The following PCDHA2 variants were observed in gnomAD, a reference collection of about 807,000 sequenced individuals.
PCDHA2 encodes the protein protocadherin alpha-2.
In PCDHA2, 58 loss-of-function variants were observed where a neutral mutation model predicts 66.0. That is an observed-to-expected ratio of 0.88 (90% CI 0.71 to 1.09). The LOEUF is 1.09. Ranked by LOEUF, PCDHA2 falls within the 50% of genes least tolerant of loss-of-function variation. The pLI, the probability that PCDHA2 is intolerant of heterozygous loss-of-function variation, is 0.00. For missense variants in PCDHA2, 1,267 were observed against 1,242.3 expected (o/e 1.02, Z -0.30); for synonymous variants, 634 against 554.0 (o/e 1.14, Z -2.03).
At chr5:140,927,343 G>T (rs2084109180) in intron 1 of PCDHA2, 2 of 1,614,016 alleles carry the variant, frequency 1.2e-6, no homozygotes, top group East Asian at 4.5e-5. Flanking sequence ...TGCCCAAGAT[G>T]ACGACGAGGG....
At chr5:140,842,532 A>G in intron 1 of PCDHA2, 1 of 1,613,066 alleles carries the variant, frequency 6.2e-7, no homozygotes, top group African/African-American at 1.3e-5. Context: ...TTCAAGAATT[A>G]CTACTCGTTG....
intron 1 of PCDHA2, among the ~76,000 whole-genome samples, chr5:140,846,701 G>A (rs1554141463): frequency 1.3e-5 from 2 of 149,318 alleles, no homozygotes; most frequent in South Asian, 2.1e-4. Flanking sequence ...AAGTAGAGAA[G>A]ATTGTAATAA....
At chr5:140,952,921 A>G (rs1385762046) in intron 1 of PCDHA2, among the ~76,000 whole-genome samples, 4 of 152,138 alleles carry the variant, frequency 2.6e-5, no homozygotes, top group African/African-American at 4.8e-5. Context: ...ACATGGCATG[A>G]GCAGGAGCAG....
intron 1 of PCDHA2, chr5:140,828,742 G>T (rs2150158516): frequency 5.0e-6 from 8 of 1,614,208 alleles, no homozygotes; most frequent in Non-Finnish European, 5.9e-6. Context: ...CCACAGATGG[G>T]GGCAAACCTG....
intron 3 of PCDHA2, among the ~76,000 whole-genome samples, chr5:140,988,231 A>G (rs2097289009): frequency 6.6e-6 from 1 of 152,150 alleles, no homozygotes. Context: ...TCAGGGATCT[A>G]TGTGAGTGGG....
At chr5:140,842,027 AATG>A (rs2150327621) in intron 1 of PCDHA2, 1 of 1,613,850 alleles carries the variant, frequency 6.2e-7, no homozygotes, top group East Asian at 2.2e-5. Flanking sequence ...GCTGGATGTG[AATG>A]ATAATGCTCC....
At chr5:140,842,935 C>G (rs1329962165) in intron 1 of PCDHA2, 2 of 1,594,326 alleles carry the variant, frequency 1.3e-6, no homozygotes, top group African/African-American at 1.3e-5. Flanking sequence ...TGAGCGCGCG[C>G]GACGCGGGCG....
chr5:140,878,273 G>T (rs2057527007), intron 1 of PCDHA2, among the ~76,000 whole-genome samples: 1 of 152,096 alleles, frequency 6.6e-6, no homozygotes, highest in Non-Finnish European at 1.5e-5. Flanking sequence ...TTTTAAAATA[G>T]CCTTCTTGAT....
chr5:140,854,310 T>C (rs2043072998), intron 1 of PCDHA2: 2 of 329,758 alleles, frequency 6.1e-6, no homozygotes, highest in Non-Finnish European at 8.7e-6. Context: ...GTGGAGATGA[T>C]TGATCAATGG....
In PCDHA2 at chr5:140,870,852, G is replaced by T. The variant is rs782301779; in HGVS notation, c.2388+73500G>T. 6 of 1,613,862 alleles carry T rather than the reference G, an allele frequency of 3.7e-6. 1 individual carries two copies. The South Asian group carries it at 6.6e-5, about 18-fold the overall frequency. On this transcript the variant is annotated intron_variant, in intron 1 of 3. Coordinates refer to ENST00000526136, the MANE Select transcript of PCDHA2 (RefSeq NM_018905.3). ...CAGTTAACAAGCTAGTACCGCGGTC[G>T]GTGGGTGCGGGCCACGTGGTGGCGA...
At chr5:140,856,574 T>C in intron 1 of PCDHA2, 1 of 1,597,714 alleles carries the variant, frequency 6.3e-7, no homozygotes, top group Non-Finnish European at 8.6e-7. Flanking sequence ...TCCAAATGAG[T>C]ATTTTGTTCT....
At chr5:140,877,276 G>A (rs1038142877) in intron 1 of PCDHA2, 5 of 1,613,744 alleles carry the variant, frequency 3.1e-6, no homozygotes, top group Admixed American at 1.7e-5. Context: ...CGCTGACTCC[G>A]GCTATAACGC....
chr5:140,938,928 T>G (rs1220764640), intron 1 of PCDHA2, among the ~76,000 whole-genome samples: 2 of 152,104 alleles, frequency 1.3e-5, no homozygotes, highest in African/African-American at 4.8e-5. Flanking sequence ...AAATTGGCTT[T>G]TAACTTTCCA....
chr5:140,936,780 T>C (rs2091148034), intron 1 of PCDHA2, among the ~76,000 whole-genome samples: 1 of 152,224 alleles, frequency 6.6e-6, no homozygotes, highest in Non-Finnish European at 1.5e-5. Flanking sequence ...TCTCTCACTT[T>C]GTTATTCTGC....
intron 3 of PCDHA2, among the ~76,000 whole-genome samples, chr5:141,000,542 C>T (rs1331109215): frequency 6.7e-6 from 1 of 148,268 alleles, no homozygotes; most frequent in Non-Finnish European, 1.5e-5. Context: ...ATTCTCATGC[C>T]TCAAACTCCC....
In PCDHA2 at chr5:140,852,152, C is replaced by T. The variant is rs1163475400; in HGVS notation, c.2388+54800C>T. The T allele has an allele frequency of 5.8e-6, 5 of 861,034 alleles. 1 individual carries two copies. The highest frequency in any genetic ancestry group is 1.2e-3 in the Middle Eastern group (2 of 1,666). The allele number at this position is 861,034 out of a possible 1,614,324, so 53.3% of individuals were successfully genotyped here. ...CTCAGTAGAGAAAGATCAGAATGGC[C>T]TTGAGAATAGAGCCACAAAAATAAC... On this transcript the variant is annotated intron_variant, in intron 1 of 3. Transcript: ENST00000526136.
At chr5:140,821,139 T>C (rs2150108825) in intron 1 of PCDHA2, among the ~76,000 whole-genome samples, 2 of 152,168 alleles carry the variant, frequency 1.3e-5, no homozygotes, top group Non-Finnish European at 2.9e-5. Context: ...AAATTTGTTT[T>C]ATGAGTAACA....
At chr5:140,883,577 G>A (rs782633953) in intron 1 of PCDHA2, 3 of 1,614,052 alleles carry the variant, frequency 1.9e-6, no homozygotes, top group Non-Finnish European at 2.5e-6. Context: ...TTCGCTGTGG[G>A]CCACGGCCAG....
At chr5:140,937,789 G>A (rs1413517840) in intron 1 of PCDHA2, among the ~76,000 whole-genome samples, 1 of 151,816 alleles carries the variant, frequency 6.6e-6, no homozygotes, top group Non-Finnish European at 1.5e-5. Flanking sequence ...GCGGGCGTAT[G>A]TAGTCCCAGC....
Sources: allele counts gnomAD v4.1 joint callset (sites outside exome capture counted in the v4.1 genomes callset), GRCh38; gene constraint gnomAD v4.1.1; transcripts MANE v1.5; gene names NCBI Gene and HGNC (gene_info 2026-07-23, HGNC 2026-07-21).